The following IL1RAPL2 variants were observed in gnomAD, a reference collection of about 807,000 sequenced individuals.
IL1RAPL2 encodes the protein X-linked interleukin-1 receptor accessory protein-like 2.
In IL1RAPL2, 3 loss-of-function variants were observed where a neutral mutation model predicts 44.1. That is an observed-to-expected ratio of 0.07 (90% CI 0.03 to 0.18). The LOEUF (loss-of-function observed/expected upper bound fraction) is 0.18. IL1RAPL2 is among the 10% of genes least tolerant of loss of function. IL1RAPL2 has a pLI of 1.00. For synonymous variants in IL1RAPL2, 181 were observed against 178.8 expected (o/e 1.01, Z -0.10); for missense variants, 391 against 496.4 (o/e 0.79, Z 2.02).
At chrX:104,931,059 A>T (rs1168538526) in intron 2 of IL1RAPL2, among the ~76,000 whole-genome samples, 1 of 111,054 alleles carries the variant, frequency 9.0e-6, no homozygotes, top group African/African-American at 3.3e-5. Context: ...TGCTGCTTGC[A>T]GGACCTATTA....
At chrX:104,799,905 CACTTA>C (rs1932874195) in intron 2 of IL1RAPL2, among the ~76,000 whole-genome samples, 2 of 111,327 alleles carry the variant, frequency 1.8e-5, no homozygotes, top group African/African-American at 6.5e-5. Context: ...TGCAATAGAT[CACTTA>C]ACTTATCCAA....
chrX:104,621,519 C>T (rs1929401654), intron 1 of IL1RAPL2, among the ~76,000 whole-genome samples: 1 of 108,348 alleles, frequency 9.2e-6, no homozygotes, highest in Non-Finnish European at 1.9e-5. Context: ...TCTGCCATAC[C>T]CCCAAGCAGA....
At chrX:105,310,264 G>A (rs1267214321) in intron 5 of IL1RAPL2, among the ~76,000 whole-genome samples, 1 of 111,002 alleles carries the variant, frequency 9.0e-6, no homozygotes, top group African/African-American at 3.3e-5. Context: ...TTATAATATT[G>A]CCTTAATATT....
At chrX:104,626,037 T>C (rs1428184265) in intron 1 of IL1RAPL2, among the ~76,000 whole-genome samples, 2 of 111,218 alleles carry the variant, frequency 1.8e-5, no homozygotes, top group Non-Finnish European at 3.8e-5. Flanking sequence ...CATTTGCTTA[T>C]TACTATGCAT....
intron 2 of IL1RAPL2, among the ~76,000 whole-genome samples, chrX:104,897,436 C>T (rs1227667169): frequency 8.9e-6 from 1 of 111,827 alleles, no homozygotes; most frequent in Non-Finnish European, 1.9e-5. Flanking sequence ...AAAGTGAAAG[C>T]TGTGATTTTT....
chrX:104,722,902 A>G (rs1036613578), intron 2 of IL1RAPL2, among the ~76,000 whole-genome samples: 2 of 111,699 alleles, frequency 1.8e-5, no homozygotes, highest in African/African-American at 3.2e-5. Flanking sequence ...AATGAAATAT[A>G]TTGTTGCCAG....
At chrX:104,986,984 G>A (rs1382200436) in intron 2 of IL1RAPL2, among the ~76,000 whole-genome samples, 1 of 112,310 alleles carries the variant, frequency 8.9e-6, no homozygotes, top group East Asian at 2.8e-4. Flanking sequence ...CACATGCAGT[G>A]TCTGCCTCAC....
chrX:104,774,778 T>C (rs1932692190), intron 2 of IL1RAPL2, among the ~76,000 whole-genome samples: 2 of 112,364 alleles, frequency 1.8e-5, no homozygotes, highest in Non-Finnish European at 3.8e-5. Context: ...AATAGGTAAG[T>C]GCATTGTGCA....
At chrX:105,019,432 C>T (rs1044744788) in intron 2 of IL1RAPL2, among the ~76,000 whole-genome samples, 1 of 111,229 alleles carries the variant, frequency 9.0e-6, no homozygotes, top group Non-Finnish European at 1.9e-5. Flanking sequence ...TTAGTAGTAA[C>T]ACATATATTA....
intron 6 of IL1RAPL2, among the ~76,000 whole-genome samples, chrX:105,584,630 T>G (rs2037113917): frequency 9.1e-6 from 1 of 110,430 alleles, no homozygotes; most frequent in Non-Finnish European, 1.9e-5. Context: ...AAACCTGGAA[T>G]TTATGCAAAT....
intron 2 of IL1RAPL2, among the ~76,000 whole-genome samples, chrX:105,007,528 G>T (rs2030964313): frequency 9.0e-6 from 1 of 111,316 alleles, no homozygotes; most frequent in Admixed American, 9.6e-5. Flanking sequence ...AAATCCTAGT[G>T]ATATAAATAG....
At chrX:105,420,381 TA>T (rs2035765441) in intron 5 of IL1RAPL2, among the ~76,000 whole-genome samples, 1 of 111,696 alleles carries the variant, frequency 9.0e-6, no homozygotes, top group South Asian at 3.8e-4. Context: ...CAAGGCAGCA[TA>T]GTCCATTGTT....
In IL1RAPL2 at chrX:104,895,486, G is replaced by A. The variant is rs764856755; in HGVS notation, c.82+236491G>A. Among the ~76,000 whole-genome samples, 13 of 112,590 alleles carry A rather than the reference G, an allele frequency of 1.2e-4. No individual in the cohort carries two copies. In the East Asian group the frequency reaches 1.7e-3, roughly 15 times the overall value. On this transcript the variant is annotated intron_variant, in intron 2 of 10. Coordinates refer to ENST00000372582, the MANE Select transcript of IL1RAPL2 (RefSeq NM_017416.2). ...TACCTACTCAAGCCTCAGCAATGGCGGGCGCCACTCTCCCAGCCTCGCTGC... is the reference window on the plus strand; with the variant it reads ...TACCTACTCAAGCCTCAGCAATGGCAGGCGCCACTCTCCCAGCCTCGCTGC...
intron 5 of IL1RAPL2, among the ~76,000 whole-genome samples, chrX:105,338,635 A>T (rs1371132453): frequency 8.9e-6 from 1 of 111,917 alleles, no homozygotes; most frequent in Non-Finnish European, 1.9e-5. Flanking sequence ...GGGGAGTTAA[A>T]TTGCAATTAC....
chrX:104,965,297 G>A (rs1253969250), intron 2 of IL1RAPL2, among the ~76,000 whole-genome samples: 1 of 111,946 alleles, frequency 8.9e-6, no homozygotes, highest in Non-Finnish European at 1.9e-5. Context: ...ATATTAGTTT[G>A]TCTTGGCCTG....
chrX:105,180,040 G>A (rs782542688), intron 2 of IL1RAPL2, among the ~76,000 whole-genome samples: 34 of 110,093 alleles, frequency 3.1e-4, no homozygotes, highest in African/African-American at 1.1e-3. Context: ...CAGAAGTGGT[G>A]AAAGTGGGCA....
At chrX:105,515,481 C>CT (rs1273026281) in intron 6 of IL1RAPL2, among the ~76,000 whole-genome samples, 11 of 109,375 alleles carry the variant, frequency 1.0e-4, no homozygotes, top group African/African-American at 2.0e-4. Flanking sequence ...AAGTTTTGTA[C>CT]TTTTTTTTTC....
intron 3 of IL1RAPL2, among the ~76,000 whole-genome samples, chrX:105,203,873 G>T: frequency 9.0e-6 from 1 of 111,702 alleles, no homozygotes; most frequent in East Asian, 2.8e-4. Context: ...ATGTTAGAAG[G>T]CACTAGGGAT....
chrX:105,501,265 A>G (rs1273237859), intron 6 of IL1RAPL2, among the ~76,000 whole-genome samples: 3 of 111,797 alleles, frequency 2.7e-5, no homozygotes, highest in Non-Finnish European at 5.6e-5. Flanking sequence ...TAATTTCATT[A>G]TATTTTACAA....
Sources: gnomAD v4.1 joint callset for allele counts (sites outside exome capture counted in the v4.1 genomes callset) on GRCh38, gnomAD v4.1.1 for gene constraint, MANE v1.5 for transcripts, NCBI Gene and HGNC (gene_info 2026-07-23, HGNC 2026-07-21) for gene names.